The following CTNNA3 variants were observed in gnomAD, a reference collection of about 807,000 sequenced individuals.
CTNNA3 encodes the protein catenin alpha 3, also known as catenin alpha-3.
A neutral mutation model predicts 95.7 loss-of-function variants in CTNNA3; 76 were observed. The ratio of observed to expected loss-of-function variants is 0.79; its 90% CI spans 0.66 to 0.96. The LOEUF is 0.96. Among genes scored for constraint, CTNNA3 ranks in the 40% least tolerant of loss-of-function variants. The probability of loss-of-function intolerance (pLI) is 0.00; values close to 1 mark genes in which losing one functional copy is unlikely to be tolerated. For synonymous variants in CTNNA3, 431 were observed against 374.4 expected, an observed-to-expected ratio of 1.15 and a Z score of -1.74; for missense variants, 1,191 against 1,089.8, an observed-to-expected ratio of 1.09 and a Z score of -1.31.
intron 5 of CTNNA3, among the ~76,000 whole-genome samples, chr10:67,337,899 T>C (rs1415294405): frequency 6.6e-6 from 1 of 152,254 alleles, no homozygotes; most frequent in Non-Finnish European, 1.5e-5. Flanking sequence ...AGTATAAACA[T>C]AACTTTTATA....
chr10:67,456,410 T>C (rs1045325607), intron 5 of CTNNA3, among the ~76,000 whole-genome samples: 3 of 152,180 alleles, frequency 2.0e-5, no homozygotes, highest in Non-Finnish European at 4.4e-5. Flanking sequence ...CCTCCCTTTT[T>C]CTGATAACCC....
At chr10:65,998,651 TGA>T (rs1043271236) in intron 15 of CTNNA3, among the ~76,000 whole-genome samples, 1 of 152,182 alleles carries the variant, frequency 6.6e-6, no homozygotes, top group African/African-American at 2.4e-5. Context: ...AGAAAAATTC[TGA>T]GAGGCCAAAA....
chr10:66,734,498 T>C (rs1849067010), intron 9 of CTNNA3, among the ~76,000 whole-genome samples: 1 of 152,202 alleles, frequency 6.6e-6, no homozygotes, highest in South Asian at 2.1e-4. Flanking sequence ...AGAACTATTT[T>C]TACATTTAAA....
intron 13 of CTNNA3, among the ~76,000 whole-genome samples, chr10:66,142,292 T>G (rs2083658917): frequency 6.6e-6 from 1 of 152,144 alleles, no homozygotes; most frequent in African/African-American, 2.4e-5. Context: ...TTGCCTTGAC[T>G]CTTTCATCAG....
intron 11 of CTNNA3, among the ~76,000 whole-genome samples, chr10:66,455,039 G>GA (rs11419991): frequency 0.39 from 59,200 of 151,636 alleles, 12,260 homozygotes; most frequent in African/African-American, 0.53. Context: ...TTTTTTTCAG[G>GA]AAAAATATGT....
intron 14 of CTNNA3, among the ~76,000 whole-genome samples, chr10:66,099,589 T>A (rs769936465): frequency 1.3e-5 from 2 of 152,182 alleles, no homozygotes; most frequent in Non-Finnish European, 2.9e-5. Context: ...CTTGGCCATC[T>A]GTCTCATAAA....
chr10:66,596,314 C>T (rs1843713654), intron 10 of CTNNA3, among the ~76,000 whole-genome samples: 1 of 152,038 alleles, frequency 6.6e-6, no homozygotes, highest in African/African-American at 2.4e-5. Context: ...GATTCCATGC[C>T]CCTCAACTAA....
chr10:66,601,278 G>C (rs1843913397), intron 10 of CTNNA3, among the ~76,000 whole-genome samples: 1 of 151,274 alleles, frequency 6.6e-6, no homozygotes, highest in Admixed American at 6.6e-5. Context: ...TTGAGAAATT[G>C]AAAAAAAAGT....
At chr10:66,697,245 C>T (rs1847798945) in intron 9 of CTNNA3, among the ~76,000 whole-genome samples, 1 of 148,586 alleles carries the variant, frequency 6.7e-6, no homozygotes, top group Non-Finnish European at 1.5e-5. Flanking sequence ...GTATATATAT[C>T]AGATATATCT....
intron 13 of CTNNA3, among the ~76,000 whole-genome samples, chr10:66,128,335 C>A (rs1201258890): frequency 6.6e-6 from 1 of 151,858 alleles, no homozygotes; most frequent in African/African-American, 2.4e-5. Context: ...CACATAAAAA[C>A]CTGCACATAT....
chr10:67,509,003 T>C (rs1839517900), intron 5 of CTNNA3, among the ~76,000 whole-genome samples: 1 of 151,810 alleles, frequency 6.6e-6, no homozygotes, highest in Non-Finnish European at 1.5e-5. Flanking sequence ...CAGCCTCCCG[T>C]ATAGCAGGGA....
At chr10:67,165,078 T>C (rs1265631446) in intron 7 of CTNNA3, among the ~76,000 whole-genome samples, 1 of 152,190 alleles carries the variant, frequency 6.6e-6, no homozygotes, top group Non-Finnish European at 1.5e-5. Context: ...AGAAGCATTA[T>C]TTGTAATAGC....
intron 13 of CTNNA3, among the ~76,000 whole-genome samples, chr10:66,181,147 C>T (rs1018588660): frequency 1.3e-5 from 2 of 152,042 alleles, no homozygotes; most frequent in African/African-American, 4.8e-5. Context: ...ATGTGGACTT[C>T]AAAATGAGAA....
chr10:66,063,232 A>G (rs1307314303), intron 15 of CTNNA3, among the ~76,000 whole-genome samples: 5 of 146,308 alleles, frequency 3.4e-5, no homozygotes, highest in Non-Finnish European at 7.5e-5. Flanking sequence ...ATATAGATAG[A>G]TAGATAGATA....
chr10:66,668,426 G>A (rs867093234), intron 9 of CTNNA3, among the ~76,000 whole-genome samples: 7,007 of 147,870 alleles, frequency 0.047, 551 homozygotes, highest in African/African-American at 0.17. Flanking sequence ...TCTCATATGT[G>A]TGTGTGTGTG....
At chr10:66,647,231 T>C (rs1022218821) in intron 9 of CTNNA3, among the ~76,000 whole-genome samples, 8 of 152,142 alleles carry the variant, frequency 5.3e-5, no homozygotes, top group African/African-American at 1.9e-4. Flanking sequence ...TCAAAGTATA[T>C]ATCATCTGTT....
At chr10:66,965,327 G>A (rs1849341528) in intron 7 of CTNNA3, among the ~76,000 whole-genome samples, 1 of 152,084 alleles carries the variant, frequency 6.6e-6, no homozygotes, top group Admixed American at 6.5e-5. Context: ...ATGAGGTCAA[G>A]AGATCCAGAC....
chr10:66,198,675 A>G (rs2087120339), intron 13 of CTNNA3, among the ~76,000 whole-genome samples: 1 of 149,804 alleles, frequency 6.7e-6, no homozygotes, highest in South Asian at 2.2e-4. Context: ...ATTCATTAAT[A>G]ATTAAAGACT....
chr10:67,473,162 G>A (rs2133033731), intron 5 of CTNNA3, among the ~76,000 whole-genome samples: 1 of 152,286 alleles, frequency 6.6e-6, no homozygotes, highest in South Asian at 2.1e-4. Context: ...ATTACATGAT[G>A]AAATGCTTAA....
Sources: gnomAD v4.1 joint callset for allele counts (sites outside exome capture counted in the v4.1 genomes callset) on GRCh38, gnomAD v4.1.1 for gene constraint, MANE v1.5 for transcripts, NCBI Gene and HGNC (gene_info 2026-07-23, HGNC 2026-07-21) for gene names.